BPIFC: variants seen among roughly 807,000 people sequenced by gnomAD.
BPIFC encodes BPI fold containing family C.
BPIFC carries 60 observed loss-of-function variants against 57.6 expected under a neutral mutation model. The observed-to-expected ratio is 1.04, with a 90% CI of 0.85 to 1.29. The LOEUF is 1.29. BPIFC is among the 50% of genes most tolerant of loss of function. The pLI is 0.00. For missense variants in BPIFC, 581 were observed against 600.5 expected, an observed-to-expected ratio of 0.97 and a Z score of 0.34; for synonymous variants, 243 against 224.5, an observed-to-expected ratio of 1.08 and a Z score of -0.74.
Position 32,447,330 on chromosome 22 carries a change from T to A in BPIFC, c.256A>T (p.Ser86Cys), listed in dbSNP as rs143287045. Reference protein sequence around the residue: ...VNYNFSNIKISAFSFPNTSLA... With the variant: ...VNYNFSNIKICAFSFPNTSLA... ...GAGGTATTTGGAAATGAAAAGGCAC[T>A]GATTTTTATACTGTAAAACCAGAAA... The change falls in exon 5 of 17, where the codon AGT becomes TGT. Residue 86 changes from serine (S) to cysteine (C), a missense_variant. Coordinates refer to ENST00000300399, the MANE Select transcript of BPIFC (RefSeq NM_174932.3). The A allele has an allele frequency of 6.2e-7, 1 of 1,613,354 alleles. No homozygotes were observed. The highest frequency in any genetic ancestry group is 2.2e-5 in the East Asian group (1 of 44,880).
intron 9 of BPIFC, 127 bp from the exon 10 acceptor site, chr22:32,436,007 C>T (rs1309376108): frequency 2.2e-5 from 23 of 1,030,428 alleles, no homozygotes; most frequent in Non-Finnish European, 2.8e-5. Context: ...TGGTGGCTCA[C>T]GCCTATAATC....
chr22:32,437,390 C>T (rs988810174), intron 9 of BPIFC, among the ~76,000 whole-genome samples: 4 of 151,918 alleles, frequency 2.6e-5, no homozygotes, highest in African/African-American at 9.7e-5. Flanking sequence ...TTTTTGTTTT[C>T]ATTTTGTTTT....
intron 4 of BPIFC, among the ~76,000 whole-genome samples, chr22:32,448,482 T>C (rs1479764275): frequency 6.6e-6 from 1 of 152,174 alleles, no homozygotes; most frequent in East Asian, 1.9e-4. Flanking sequence ...GAAACGTGCC[T>C]TCCTCCTATT....
intron 12 of BPIFC, 64 bp downstream of exon 12, chr22:32,432,309 C>T (rs1569450250): frequency 6.4e-7 from 1 of 1,559,444 alleles, no homozygotes; most frequent in Non-Finnish European, 8.8e-7. Context: ...AGCTGCTGGC[C>T]AACAGTCCAC....
chr22:32,428,266 TGTGC>T (rs3070415), intron 13 of BPIFC, among the ~76,000 whole-genome samples: 18,448 of 113,890 alleles, frequency 0.16, 1,486 homozygotes, highest in Non-Finnish European at 0.21. Context: ...TGTGTGTGTG[TGTGC>T]GCGCGCGTGT....
intron 13 of BPIFC, among the ~76,000 whole-genome samples, chr22:32,427,538 C>G (rs575311488): frequency 1.3e-5 from 2 of 152,218 alleles, no homozygotes; most frequent in East Asian, 3.9e-4. Context: ...CCTCCTGGTT[C>G]TTTCCTCTTT....
At chr22:32,462,168 CAAAAAAAAA>C (rs35716277) in intron 1 of BPIFC, among the ~76,000 whole-genome samples, 2 of 53,600 alleles carry the variant, frequency 3.7e-5, no homozygotes, top group Admixed American at 3.1e-4. Flanking sequence ...GACTCCATCT[CAAAAAAAAA>C]AAAAAAAAAA....
At chr22:32,429,198 CTTTTTTTCTTTTTCTTT>C (rs1374618852) in intron 13 of BPIFC, among the ~76,000 whole-genome samples, 3 of 121,628 alleles carry the variant, frequency 2.5e-5, no homozygotes, top group Non-Finnish European at 5.8e-5. Flanking sequence ...TGTTTCTTTT[CTTTTTTTCTTTTTCTTT>C]TTTTTTTCTG....
At chr22:32,422,426 G>C (rs949598239) in intron 13 of BPIFC, among the ~76,000 whole-genome samples, 1 of 152,186 alleles carries the variant, frequency 6.6e-6, no homozygotes, top group Non-Finnish European at 1.5e-5. Context: ...AGGGTGTGAA[G>C]CTGGGCGCGG....
intron 8 of BPIFC, among the ~76,000 whole-genome samples, chr22:32,439,028 C>G (rs899896066): frequency 1.1e-4 from 16 of 151,914 alleles, no homozygotes; most frequent in Admixed American, 7.9e-4. Flanking sequence ...GGTGAAGTTC[C>G]AGAAAGCACA....
At chr22:32,446,116 T>C in intron 5 of BPIFC, 120 bp from the exon 6 acceptor site, 1 of 1,179,792 alleles carries the variant, frequency 8.5e-7, no homozygotes, top group Non-Finnish European at 1.2e-6. Flanking sequence ...TGTTCACCTC[T>C]GACTTCCTTG....
chr22:32,417,182 G>C, intron 14 of BPIFC, 34 bp from the exon 15 acceptor site: 1 of 1,250,758 alleles, frequency 8.0e-7, no homozygotes, highest in Non-Finnish European at 1.1e-6. Flanking sequence ...TCAATTGGCA[G>C]ATCGGGCTTT....
intron 10 of BPIFC, among the ~76,000 whole-genome samples, 189 bp from the exon 11 acceptor site, chr22:32,433,961 C>T (rs1309911233): frequency 6.6e-6 from 1 of 152,058 alleles, no homozygotes; most frequent in Admixed American, 6.6e-5. Context: ...AGTAAAGTGA[C>T]TTGCCCAAGG....
intron 13 of BPIFC, among the ~76,000 whole-genome samples, chr22:32,427,848 G>A (rs1972181): frequency 0.13 from 19,190 of 152,214 alleles, 1,635 homozygotes; most frequent in Non-Finnish European, 0.19. Flanking sequence ...TTAGCTGGGC[G>A]TGGTGGCGTG....
At position 32,463,095 on chromosome 22, in the gene BPIFC, C is replaced by T. The variant is rs541438947; in HGVS notation, c.-89+1279G>A. 1.1e-4 allele frequency among the ~76,000 whole-genome samples: 17 copies of T among 152,296 alleles called. No homozygotes were observed. In the South Asian group the frequency reaches 2.3e-3, roughly 20 times the overall value. The stretch of plus-strand genomic sequence containing the variant: ...ATGGAGATCCAGGAATCCAAAATTA[C>T]AGGCAGGAAAACATATTTTTCCTCT... On this transcript the variant is annotated intron_variant, in intron 1 of 16. Coordinates refer to ENST00000300399, the MANE Select transcript of BPIFC (RefSeq NM_174932.3).
At chr22:32,450,075 T>C (rs1337969452) in intron 4 of BPIFC, among the ~76,000 whole-genome samples, 3 of 149,350 alleles carry the variant, frequency 2.0e-5, no homozygotes, top group African/African-American at 7.4e-5. Context: ...AGCAGTGGAA[T>C]TGTTGGGTCA....
intron 2 of BPIFC, among the ~76,000 whole-genome samples, chr22:32,457,858 G>C (rs910882179): frequency 6.6e-6 from 1 of 152,056 alleles, no homozygotes; most frequent in Admixed American, 6.5e-5. Flanking sequence ...GTGCATATGC[G>C]TCCATTAGAA....
intron 9 of BPIFC, among the ~76,000 whole-genome samples, chr22:32,436,452 T>TAAGAAGAAGAAGAAAAAGAAGAGGAAG (rs1441162439): frequency 7.3e-6 from 1 of 137,864 alleles, no homozygotes; most frequent in Non-Finnish European, 1.6e-5. Flanking sequence ...AGAAGAAGCA[T>TAAGAAGAAGAAGAAAAAGAAGAGGAAG]AAGAAGAAGA....
Position 32,453,365 on chromosome 22 carries a change from G to T in BPIFC, c.245+18C>A, listed in dbSNP as rs199690351. 7.7e-6 allele frequency: 12 copies of T among 1,549,860 alleles called. No homozygotes were observed. The highest frequency in any genetic ancestry group is 1.2e-5 in the South Asian group (1 of 81,892). On this transcript the variant is annotated intron_variant, in intron 4 of 16. Coordinates refer to ENST00000300399, the MANE Select transcript of BPIFC (RefSeq NM_174932.3). The stretch of plus-strand genomic sequence containing the variant: ...TTGAGCTTCTTATAAGAGGCAAAAT[G>T]CTCTTCTTTTTACTTACTTTGAAAA...
Sources: allele counts gnomAD v4.1 joint callset (sites outside exome capture counted in the v4.1 genomes callset), GRCh38; gene constraint gnomAD v4.1.1; transcripts MANE v1.5; gene names NCBI Gene and HGNC (gene_info 2026-07-23, HGNC 2026-07-21).